Variants in ASPH observed in about 807,000 individuals in gnomAD.
ASPH encodes the protein aspartyl/asparaginyl beta-hydroxylase.
Under a neutral mutation model 118.4 loss-of-function variants are expected in ASPH, and 100 were observed. The ratio of observed to expected loss-of-function variants is 0.84; its 90% CI spans 0.72 to 1.00. The LOEUF (loss-of-function observed/expected upper bound fraction) is 1.00. Ranked by LOEUF, ASPH falls within the 50% of genes least tolerant of loss-of-function variation. The probability of loss-of-function intolerance (pLI) is 0.00; values close to 1 mark genes in which losing one functional copy is unlikely to be tolerated. For synonymous variants in ASPH, 315 were observed against 325.6 expected (o/e 0.97, Z 0.35); for missense variants, 920 against 919.5 (o/e 1.00, Z -0.01).
At chr8:61,598,754 T>C (rs1485727832) in intron 14 of ASPH, among the ~76,000 whole-genome samples, 2 of 152,218 alleles carry the variant, frequency 1.3e-5, no homozygotes, top group African/African-American at 4.8e-5. Context: ...CCACAGAACA[T>C]GTCTTGACAA....
At chr8:61,610,283 A>G (rs1267286626) in intron 14 of ASPH, among the ~76,000 whole-genome samples, 1 of 152,224 alleles carries the variant, frequency 6.6e-6, no homozygotes, top group Non-Finnish European at 1.5e-5. Flanking sequence ...CAGGTGTCCT[A>G]AATTATCACA....
chr8:61,665,426 T>C, intron 3 of ASPH: 2 of 1,604,440 alleles, frequency 1.2e-6, no homozygotes, highest in Non-Finnish European at 1.7e-6. Context: ...GTCCACTTTC[T>C]CTTTTTCTCT....
chr8:61,560,541 A>G (rs1413009129), intron 18 of ASPH, among the ~76,000 whole-genome samples: 1 of 152,142 alleles, frequency 6.6e-6, no homozygotes, highest in Non-Finnish European at 1.5e-5. Flanking sequence ...ATAGCTTATT[A>G]ACTTAAAAGT....
At position 61,603,501 on chromosome 8, in the gene ASPH, C is replaced by T. The variant is rs370862775; in HGVS notation, c.976+15477G>A. Among the ~76,000 whole-genome samples the T allele has an allele frequency of 7.6e-4, 116 of 152,094 alleles. 1 individual carries two copies. The highest frequency in any genetic ancestry group is 2.5e-3 in the African/African-American group (104 of 41,380). On this transcript the variant is annotated intron_variant, in intron 14 of 24. Transcript: ENST00000379454. Reference sequence around the variant, plus strand: ...CATTTTAGGACATCCATAACTACTGCTACATAGAAAAAAAAATCCTATGTG... The same window carrying T: ...CATTTTAGGACATCCATAACTACTGTTACATAGAAAAAAAAATCCTATGTG...
chr8:61,569,049 A>T (rs887112625), intron 16 of ASPH, among the ~76,000 whole-genome samples: 1 of 152,206 alleles, frequency 6.6e-6, no homozygotes, highest in Non-Finnish European at 1.5e-5. Context: ...AGCAGGTGAG[A>T]GAGGAACAGG....
intron 17 of ASPH, among the ~76,000 whole-genome samples, chr8:61,564,924 C>T (rs1014528598): frequency 3.9e-5 from 6 of 152,166 alleles, no homozygotes; most frequent in Non-Finnish European, 5.9e-5. Flanking sequence ...TCTTGCCAGC[C>T]GAGCACCTGC....
chr8:61,596,519 G>A (rs969448262), intron 14 of ASPH, among the ~76,000 whole-genome samples: 3 of 152,222 alleles, frequency 2.0e-5, no homozygotes, highest in Non-Finnish European at 4.4e-5. Context: ...GGGGCCCACA[G>A]ACGGGCATGC....
At chr8:61,600,413 C>A (rs1235302817) in intron 14 of ASPH, among the ~76,000 whole-genome samples, 1 of 149,020 alleles carries the variant, frequency 6.7e-6, no homozygotes, top group Non-Finnish European at 1.5e-5. Context: ...TAAAAGTCAC[C>A]CAAATTGGAA....
intron 18 of ASPH, among the ~76,000 whole-genome samples, chr8:61,561,859 T>G (rs894258170): frequency 6.6e-6 from 1 of 152,172 alleles, no homozygotes; most frequent in African/African-American, 2.4e-5. Context: ...GTCCGGGACA[T>G]GGATGTTGAG....
intron 5 of ASPH, among the ~76,000 whole-genome samples, chr8:61,648,532 C>T (rs1467906305): frequency 2.6e-5 from 4 of 152,074 alleles, no homozygotes; most frequent in Non-Finnish European, 5.9e-5. Context: ...TTCCTCTTTC[C>T]TTATTCTTCT....
intron 14 of ASPH, among the ~76,000 whole-genome samples, chr8:61,598,969 T>C (rs912861196): frequency 8.6e-5 from 13 of 151,890 alleles, no homozygotes; most frequent in Non-Finnish European, 1.6e-4. Flanking sequence ...AAACACAACA[T>C]ACCAAAACCC....
chr8:61,575,751 TA>T, intron 16 of ASPH, among the ~76,000 whole-genome samples: 1 of 152,230 alleles, frequency 6.6e-6, no homozygotes, highest in South Asian at 2.1e-4. Flanking sequence ...TGCCCTGAGC[TA>T]GACAATTCTG....
At chr8:61,673,931 T>A (rs1475523479) in intron 3 of ASPH, among the ~76,000 whole-genome samples, 4 of 152,218 alleles carry the variant, frequency 2.6e-5, no homozygotes, top group Non-Finnish European at 4.4e-5. Flanking sequence ...GAGGAACTAA[T>A]GAGAGGTGGT....
chr8:61,707,156 C>T (rs1022806553), intron 1 of ASPH, among the ~76,000 whole-genome samples: 21 of 151,598 alleles, frequency 1.4e-4, no homozygotes, highest in African/African-American at 4.6e-4. Flanking sequence ...TGTTCAACAA[C>T]GTATACCATA....
At chr8:61,644,151 G>T in intron 7 of ASPH, 150 bp from the exon 8 acceptor site, 2 of 670,780 alleles carry the variant, frequency 3.0e-6, no homozygotes, top group Admixed American at 5.6e-5. Context: ...AAACAAATAG[G>T]TATTAAGTGT....
At chr8:61,706,925 AC>A (rs1043495320) in intron 1 of ASPH, among the ~76,000 whole-genome samples, 2 of 152,228 alleles carry the variant, frequency 1.3e-5, no homozygotes, top group Non-Finnish European at 2.9e-5. Flanking sequence ...TTTTTAAAAA[AC>A]AATACTGAAT....
chr8:61,624,514 A>G, intron 13 of ASPH: 5 of 964,276 alleles, frequency 5.2e-6, no homozygotes, highest in Non-Finnish European at 6.2e-6. Flanking sequence ...AATACCTTAT[A>G]CTTCAAAAAT....
At chr8:61,535,833 C>A (rs984041639) in intron 21 of ASPH, among the ~76,000 whole-genome samples, 1 of 152,096 alleles carries the variant, frequency 6.6e-6, no homozygotes, top group Admixed American at 6.5e-5. Flanking sequence ...TGGCGGGGAT[C>A]CCCCTGGGTG....
At chr8:61,592,963 GT>G (rs1841569112) in intron 14 of ASPH, among the ~76,000 whole-genome samples, 1 of 152,164 alleles carries the variant, frequency 6.6e-6, no homozygotes, top group East Asian at 1.9e-4. Flanking sequence ...TTGATGAAAC[GT>G]TATCTGCTAA....
Sources: gnomAD v4.1 joint callset for allele counts (sites outside exome capture counted in the v4.1 genomes callset) on GRCh38, gnomAD v4.1.1 for gene constraint, MANE v1.5 for transcripts, NCBI Gene and HGNC (gene_info 2026-07-23, HGNC 2026-07-21) for gene names.